Variants in C3orf70 observed in about 807,000 individuals in gnomAD.
The protein encoded by C3orf70 is chromosome 3 open reading frame 70, also known as UPF0524 protein C3orf70.
In C3orf70, 15 loss-of-function variants were observed where a neutral mutation model predicts 20.7. The ratio of observed to expected loss-of-function variants is 0.72; its 90% CI spans 0.48 to 1.11. The LOEUF (loss-of-function observed/expected upper bound fraction) is 1.11, where lower values mean the gene tolerates loss of function less well. Among genes scored for constraint, C3orf70 ranks in the 50% most tolerant of loss-of-function variants. The probability of loss-of-function intolerance (pLI) is 0.00; values close to 1 mark genes in which losing one functional copy is unlikely to be tolerated. For missense variants in C3orf70, 332 were observed against 317.6 expected, an observed-to-expected ratio of 1.05 and a Z score of -0.34; for synonymous variants, 161 against 125.7, an observed-to-expected ratio of 1.28 and a Z score of -1.88.
At chr3:185,134,509 C>T (rs80091018) in intron 1 of C3orf70, among the ~76,000 whole-genome samples, 4,560 of 152,128 alleles carry the variant, frequency 0.03, 235 homozygotes, top group African/African-American at 0.1. Flanking sequence ...TTTTTCTCCT[C>T]CTATTTGCCA....
At chr3:185,123,553 T>C (rs1287971176) in intron 1 of C3orf70, among the ~76,000 whole-genome samples, 2 of 151,554 alleles carry the variant, frequency 1.3e-5, no homozygotes, top group African/African-American at 2.4e-5. Flanking sequence ...TTGTCAAGAC[T>C]GGACTTGAAC....
chr3:185,111,324 A>G (rs183516902), intron 1 of C3orf70, among the ~76,000 whole-genome samples: 280 of 152,352 alleles, frequency 1.8e-3, no homozygotes, highest in African/African-American at 6.5e-3. Context: ...AAGAGAGAAA[A>G]TATTTGCCAG....
At chr3:185,140,150 A>T (rs1015715139) in intron 1 of C3orf70, among the ~76,000 whole-genome samples, 5 of 152,200 alleles carry the variant, frequency 3.3e-5, no homozygotes, top group African/African-American at 1.2e-4. Flanking sequence ...CTATATTTCC[A>T]ATCCACATTT....
chr3:185,098,602 T>C (rs1437263314), intron 1 of C3orf70, among the ~76,000 whole-genome samples: 1 of 152,162 alleles, frequency 6.6e-6, no homozygotes, highest in East Asian at 1.9e-4. Context: ...CCCTTTACAG[T>C]TGATATTTTT....
chr3:185,100,472 G>A (rs1715799859), intron 1 of C3orf70, among the ~76,000 whole-genome samples: 1 of 152,106 alleles, frequency 6.6e-6, no homozygotes, highest in South Asian at 2.1e-4. Flanking sequence ...AATTTAGGCA[G>A]AAAAAGAAAT....
intron 1 of C3orf70, among the ~76,000 whole-genome samples, chr3:185,120,264 G>A (rs915022052): frequency 2.0e-5 from 3 of 152,118 alleles, no homozygotes; most frequent in Non-Finnish European, 2.9e-5. Flanking sequence ...CAACAAATAT[G>A]TACTATCTGC....
At chr3:185,143,315 C>T (rs1001559752) in intron 1 of C3orf70, among the ~76,000 whole-genome samples, 3 of 152,104 alleles carry the variant, frequency 2.0e-5, no homozygotes, top group Admixed American at 2.0e-4. Flanking sequence ...ATGAGTCCAA[C>T]AGATAAAATT....
At chr3:185,148,692 A>C (rs1302937617) in intron 1 of C3orf70, among the ~76,000 whole-genome samples, 2 of 152,238 alleles carry the variant, frequency 1.3e-5, no homozygotes, top group African/African-American at 4.8e-5. Context: ...CTTACTGGGA[A>C]AAATTAAGTT....
At chr3:185,141,325 T>G (rs997141820) in intron 1 of C3orf70, among the ~76,000 whole-genome samples, 2 of 151,338 alleles carry the variant, frequency 1.3e-5, no homozygotes, top group Non-Finnish European at 2.9e-5. Flanking sequence ...TAAAATGGAA[T>G]AGACCCTCTG....
intron 1 of C3orf70, among the ~76,000 whole-genome samples, chr3:185,103,452 T>C (rs1485279918): frequency 6.6e-6 from 1 of 150,782 alleles, no homozygotes; most frequent in Admixed American, 6.6e-5. Flanking sequence ...AAACTATACA[T>C]CTGACGAAGG....
intron 1 of C3orf70, among the ~76,000 whole-genome samples, chr3:185,131,844 C>T (rs1273988631): frequency 6.6e-6 from 1 of 152,164 alleles, no homozygotes; most frequent in Non-Finnish European, 1.5e-5. Flanking sequence ...AAGCTTAAGG[C>T]TTCCTACAGA....
At chr3:185,140,475 T>C (rs1043730620) in intron 1 of C3orf70, among the ~76,000 whole-genome samples, 16 of 152,170 alleles carry the variant, frequency 1.1e-4, no homozygotes, top group Admixed American at 2.0e-4. Flanking sequence ...ATTAGGTGAA[T>C]GCAAATTAAA....
chr3:185,103,426 G>A (rs1003567712), intron 1 of C3orf70, among the ~76,000 whole-genome samples: 1 of 152,088 alleles, frequency 6.6e-6, no homozygotes, highest in Non-Finnish European at 1.5e-5. Flanking sequence ...CATACAGCAT[G>A]GGAGAAGATT....
At chr3:185,146,275 CATTT>C (rs1487918289) in intron 1 of C3orf70, among the ~76,000 whole-genome samples, 3 of 114,460 alleles carry the variant, frequency 2.6e-5, no homozygotes, top group East Asian at 2.6e-4. Context: ...TTACAACTCT[CATTT>C]TTTTTTTTTT....
At chr3:185,101,483 C>T (rs1715823094) in intron 1 of C3orf70, among the ~76,000 whole-genome samples, 2 of 152,202 alleles carry the variant, frequency 1.3e-5, no homozygotes, top group South Asian at 4.1e-4. Context: ...CTATAGAGAA[C>T]TACCTGAGAC....
At chr3:185,103,457 C>T (rs534313606) in intron 1 of C3orf70, among the ~76,000 whole-genome samples, 7 of 151,638 alleles carry the variant, frequency 4.6e-5, no homozygotes, top group East Asian at 3.9e-4. Context: ...ATACATCTGA[C>T]GAAGGTCTAA....
chr3:185,141,595 A>ATATC (rs1279000884), intron 1 of C3orf70, among the ~76,000 whole-genome samples: 1 of 152,224 alleles, frequency 6.6e-6, no homozygotes, highest in Non-Finnish European at 1.5e-5. Flanking sequence ...AACTACTGAT[A>ATATC]TATCCAACAA....
At chr3:185,136,127 G>A (rs1197308086) in intron 1 of C3orf70, among the ~76,000 whole-genome samples, 1 of 152,024 alleles carries the variant, frequency 6.6e-6, no homozygotes, top group Non-Finnish European at 1.5e-5. Flanking sequence ...ATACATCATG[G>A]GAACATTAAC....
At position 185,078,969 on chromosome 3, in the gene C3orf70, G is replaced by A. The variant is rs576040341; in HGVS notation, c.*4038C>T. ...CAAAATACTTGTGATGGTTCAAATA[G>A]ACCAAGAAGTGGAGGATTAGAAGTA... On this transcript the variant is annotated 3_prime_UTR_variant, in exon 2 of 2. Transcript: ENST00000335012. The A allele has an allele frequency of 6.6e-6, 1 of 152,102 alleles. No individual in the cohort carries two copies. The highest frequency in any genetic ancestry group is 1.5e-5 in the Non-Finnish European group (1 of 68,026). 9.4% of individuals were successfully genotyped at this position (152,102 alleles called of 1,614,324 possible). A position where few individuals can be genotyped will look rare whatever the true frequency, so the allele number is the denominator to read the frequency against.
Sources: allele counts gnomAD v4.1 joint callset (sites outside exome capture counted in the v4.1 genomes callset), GRCh38; gene constraint gnomAD v4.1.1; transcripts MANE v1.5; gene names NCBI Gene and HGNC (gene_info 2026-07-23, HGNC 2026-07-21).